TES: variants seen among roughly 807,000 people sequenced by gnomAD.
TES encodes the protein testin LIM domain protein.
TES carries 41 observed loss-of-function variants against 48.2 expected under a neutral mutation model. That is an observed-to-expected ratio of 0.85 (90% CI 0.66 to 1.10). The LOEUF (loss-of-function observed/expected upper bound fraction) is 1.10, where lower values mean the gene tolerates loss of function less well. Among genes scored for constraint, TES ranks in the 50% least tolerant of loss-of-function variants. The pLI, the probability that TES is intolerant of heterozygous loss-of-function variation, is 0.00. For missense variants in TES, 463 were observed against 515.1 expected (o/e 0.90, Z 0.98); for synonymous variants, 162 against 174.9 (o/e 0.93, Z 0.58).
chr7:116,216,084 A>G (rs1441270877), intron 1 of TES, among the ~76,000 whole-genome samples: 1 of 152,156 alleles, frequency 6.6e-6, no homozygotes, highest in African/African-American at 2.4e-5. Flanking sequence ...ATCATAGACC[A>G]TCAGTGTGCA....
At chr7:116,221,103 A>G (rs1195275243) in intron 1 of TES, among the ~76,000 whole-genome samples, 1 of 152,092 alleles carries the variant, frequency 6.6e-6, no homozygotes, top group Non-Finnish European at 1.5e-5. Context: ...TAACTGGGGG[A>G]TATATTAAAT....
chr7:116,250,090 T>TGATG, intron 3 of TES, 71 bp from the exon 4 acceptor site: 1 of 1,313,958 alleles, frequency 7.6e-7, no homozygotes, highest in Non-Finnish European at 1.0e-6. Context: ...AACTTGCTTC[T>TGATG]GATGTGTGTT....
At chr7:116,253,210 A>T (rs975844552) in intron 6 of TES, among the ~76,000 whole-genome samples, 1 of 152,088 alleles carries the variant, frequency 6.6e-6, no homozygotes, top group Non-Finnish European at 1.5e-5. Context: ...AGTAAAAGGG[A>T]CTCCTGGCTA....
intron 6 of TES, 142 bp downstream of exon 6, chr7:116,252,618 A>C (rs1309787215): frequency 8.4e-7 from 1 of 1,185,246 alleles, no homozygotes; most frequent in Non-Finnish European, 1.2e-6. Context: ...AGGGTGTTAA[A>C]ATCAAGGCAA....
intron 2 of TES, 54 bp from the exon 3 acceptor site, chr7:116,248,966 A>C (rs1453464017): frequency 6.8e-7 from 1 of 1,480,972 alleles, no homozygotes; most frequent in Non-Finnish European, 9.0e-7. Context: ...ATGTATGAAC[A>C]TAAATATCAA....
chr7:116,213,897 T>G (rs556024684), intron 1 of TES, among the ~76,000 whole-genome samples: 1 of 152,130 alleles, frequency 6.6e-6, no homozygotes, highest in Non-Finnish European at 1.5e-5. Flanking sequence ...AACAGTCTCA[T>G]TTTGCGGTGA....
chr7:116,249,578 TTTATC>T (rs1799974547), intron 3 of TES: 2 of 266,708 alleles, frequency 7.5e-6, no homozygotes, highest in Non-Finnish European at 1.4e-5. Context: ...CTTGAGAGGA[TTTATC>T]TTAAGATGGT....
chr7:116,216,498 C>G (rs989379416), intron 1 of TES, among the ~76,000 whole-genome samples: 4 of 152,036 alleles, frequency 2.6e-5, no homozygotes, highest in Admixed American at 6.6e-5. Flanking sequence ...TGAGGTTTCT[C>G]CAAGTCCTGT....
chr7:116,242,519 CTCTCTCTCTCTCTCTCTCTG>C (rs1056969063), intron 2 of TES, among the ~76,000 whole-genome samples: 5 of 129,642 alleles, frequency 3.9e-5, no homozygotes, highest in Admixed American at 1.5e-4. Context: ...CTCTCTCTCT[CTCTCTCTCTCTCTCTCTCTG>C]TCTCTGTCTC....
rs185938135 is a variant in TES, at chr7:116,257,569, G to A, written c.*87G>A. Reference sequence around the variant, plus strand: ...AAATGCAATTTGAAAAAAATAAAACGCAAAAAAAGAAACTGTAAAGGAAAC... The same window carrying A: ...AAATGCAATTTGAAAAAAATAAAACACAAAAAAAGAAACTGTAAAGGAAAC... On this transcript the variant is annotated 3_prime_UTR_variant, in exon 7 of 7. Coordinates refer to ENST00000358204, the MANE Select transcript of TES (RefSeq NM_015641.4). The A allele has an allele frequency of 2.7e-5, 32 of 1,167,102 alleles. 1 individual carries two copies. The East Asian group carries it at 6.1e-4, about 22-fold the overall frequency. 72.3% of individuals were successfully genotyped at this position (1,167,102 alleles called of 1,614,324 possible).
At position 116,249,270 on chromosome 7, in the gene TES, T is replaced by C; in HGVS notation, c.364T>C (p.Leu122=). ...EWAPPVQNQA[L]ARQYMQMLPK... ...GGCTCCTCCTGTCCAGAATCAAGCA[T>C]TGGTAAATGATATGGAACAGAGAGT... The change falls in exon 3 of 7, where the codon TTG becomes CTG. Residue 122 remains leucine (L), a splice_region_variant and synonymous_variant. Transcript: ENST00000358204. 8.7e-6 allele frequency: 14 copies of C among 1,613,950 alleles called. No individual in the cohort carries two copies. Among genetic ancestry groups the C allele is most frequent in the African/African-American group, 2.7e-5 (2 of 75,040 alleles).
At chr7:116,222,064 C>G (rs981254850) in intron 1 of TES, among the ~76,000 whole-genome samples, 1 of 152,050 alleles carries the variant, frequency 6.6e-6, no homozygotes, top group Non-Finnish European at 1.5e-5. Context: ...CACAACATAT[C>G]AATAAACAGA....
chr7:116,253,160 C>T (rs1800043655), intron 6 of TES, among the ~76,000 whole-genome samples: 1 of 152,100 alleles, frequency 6.6e-6, no homozygotes, highest in Non-Finnish European at 1.5e-5. Context: ...TCTTTATATG[C>T]AGCAAAACAC....
At chr7:116,235,698 C>G (rs937309042) in intron 2 of TES, among the ~76,000 whole-genome samples, 1 of 152,106 alleles carries the variant, frequency 6.6e-6, no homozygotes, top group Admixed American at 6.6e-5. Context: ...ATAAAGATAA[C>G]TATACAGTTT....
At chr7:116,236,853 A>G (rs1257281389) in intron 2 of TES, among the ~76,000 whole-genome samples, 1 of 152,174 alleles carries the variant, frequency 6.6e-6, no homozygotes, top group African/African-American at 2.4e-5. Context: ...TGTAGTCTGA[A>G]AATCTAAGAG....
Position 116,249,086 on chromosome 7 carries a change from T to G in TES, c.180T>G (p.Asp60Glu). Residue 60 changes from aspartate to glutamate, a missense_variant, in exon 3 of 7, where the codon GAT becomes GAG. Transcript: ENST00000358204. ...EHDVLLSNEEDRKVGKLFEDT... is the reference protein window; with the variant it reads ...EHDVLLSNEEERKVGKLFEDT... The stretch of plus-strand genomic sequence containing the variant: ...ATGTCCTCTTGAGCAATGAAGAGGA[T>G]CGAAAAGTGGGAAAACTTTTTGAAG... The G allele has an allele frequency of 1.2e-6, 2 of 1,614,000 alleles. No homozygotes were observed. Among genetic ancestry groups the G allele is most frequent in the Non-Finnish European group, 1.7e-6 (2 of 1,179,954 alleles).
chr7:116,228,478 T>G (rs1221658333), intron 1 of TES, among the ~76,000 whole-genome samples: 1 of 152,214 alleles, frequency 6.6e-6, no homozygotes, highest in Non-Finnish European at 1.5e-5. Context: ...TTGAGACTTG[T>G]GCGCTTATGA....
chr7:116,250,507 T>C lies in TES; in HGVS notation c.702+11T>C. On this transcript the variant is annotated intron_variant, in intron 4 of 6. Transcript: ENST00000358204. The stretch of plus-strand genomic sequence containing the variant: ...AAAAGAACTCAATATGTAAGTAGAG[T>C]GGTCACACTGTTAGCCTGATTTGTA... The C allele has an allele frequency of 1.3e-6, 2 of 1,501,404 alleles. No homozygotes were observed. Among genetic ancestry groups the C allele is most frequent in the South Asian group, 1.4e-5 (1 of 71,580 alleles). 93.0% of individuals were successfully genotyped at this position (1,501,404 alleles called of 1,614,324 possible).
In TES at chr7:116,251,669, T is replaced by C. The variant is rs1349866134; in HGVS notation, c.703-91T>C. On this transcript the variant is annotated intron_variant, in intron 4 of 6. Coordinates refer to ENST00000358204, the MANE Select transcript of TES (RefSeq NM_015641.4). ...CTGGACTCCAGCCTGGGCGACAGAG[T>C]GAGACTCAGTCTCAAAAAAAAAAAA... 2.5e-6 allele frequency: 3 copies of C among 1,182,574 alleles called. No homozygotes were observed. The African/African-American group carries it at 4.8e-5, about 19-fold the overall frequency. The allele number at this position is 1,182,574 out of a possible 1,614,324, so 73.3% of individuals were successfully genotyped here.
Sources: allele counts gnomAD v4.1 joint callset (sites outside exome capture counted in the v4.1 genomes callset), GRCh38; gene constraint gnomAD v4.1.1; transcripts MANE v1.5; gene names NCBI Gene and HGNC (gene_info 2026-07-23, HGNC 2026-07-21).